The following ALDH1B1 variants were observed in gnomAD, a reference collection of about 807,000 sequenced individuals.
ALDH1B1 encodes the protein aldehyde dehydrogenase 1 family member B1.
ALDH1B1 carries 19 observed loss-of-function variants against 26.2 expected under a neutral mutation model. The observed-to-expected ratio is 0.72, with a 90% CI of 0.51 to 1.06. The LOEUF is 1.06. ALDH1B1 is among the 50% of genes least tolerant of loss of function. ALDH1B1 has a pLI of 0.00. For missense variants in ALDH1B1, 671 were observed against 683.1 expected, an observed-to-expected ratio of 0.98 and a Z score of 0.20; for synonymous variants, 249 against 286.0, an observed-to-expected ratio of 0.87 and a Z score of 1.31.
At chr9:38,392,866 T>A in intron 1 of ALDH1B1, 59 bp downstream of exon 1, 1 of 986,062 alleles carries the variant, frequency 1.0e-6, no homozygotes, top group Non-Finnish European at 1.2e-6. Context: ...TGGCTCCGCG[T>A]GGGGGCTTTC....
intron 1 of ALDH1B1, among the ~76,000 whole-genome samples, chr9:38,394,727 C>T (rs1477241682): frequency 6.6e-6 from 1 of 152,048 alleles, no homozygotes; most frequent in Admixed American, 6.5e-5. Context: ...TACCGCTGGG[C>T]GGAGCAAGAC....
rs1821284200 is a variant in ALDH1B1, at chr9:38,396,323, A to C, written c.575A>C (p.Gln192Pro). The stretch of plus-strand genomic sequence containing the variant: ...CCGTGGAACTTCCCCTTGGTCATGC[A>C]GGGTTGGAAACTTGCCCCGGCACTC... ...IIPWNFPLVM[Q>P]GWKLAPALAT... The change falls in exon 2 of 2, where the codon CAG becomes CCG. Residue 192 changes from glutamine (Q) to proline (P), a missense_variant. By Grantham distance (76) the Gln-to-Pro change is moderately conservative. Coordinates refer to ENST00000377698, the MANE Select transcript of ALDH1B1 (RefSeq NM_000692.5). The C allele has an allele frequency of 6.2e-7, 1 of 1,614,010 alleles. No homozygotes were observed. The highest frequency in any genetic ancestry group is 8.5e-7 in the Non-Finnish European group (1 of 1,180,022).
intron 1 of ALDH1B1, among the ~76,000 whole-genome samples, chr9:38,394,795 C>T (rs550701298): frequency 6.6e-6 from 1 of 152,194 alleles, no homozygotes; most frequent in Non-Finnish European, 1.5e-5. Context: ...ACTGCTTCAA[C>T]TAATCTGGGA....
intron 1 of ALDH1B1, 21 bp downstream of exon 1, chr9:38,392,828 C>A (rs985860079): frequency 1.1e-5 from 11 of 985,696 alleles, no homozygotes; most frequent in Non-Finnish European, 1.2e-5. Context: ...CTGGTCTCCC[C>A]TCGGCTCCCT....
Position 38,396,082 on chromosome 9 carries a change from G to C in ALDH1B1, c.334G>C (p.Val112Leu), listed in dbSNP as rs1196658160. The change falls in exon 2 of 2, where the codon GTG becomes CTG. Residue 112 changes from valine (V) to leucine (L), a missense_variant. Physicochemically the swap from Val to Leu is conservative, Grantham distance 32. Transcript: ENST00000377698. ...GCTGCTGAACCGCCTGGCAGACCTAGTGGAGCGGGATCGAGTCTACTTGGC... is the reference window on the plus strand; with the variant it reads ...GCTGCTGAACCGCCTGGCAGACCTACTGGAGCGGGATCGAGTCTACTTGGC... ...GRLLNRLADL[V>L]ERDRVYLASL... is the part of the protein sequence containing the mutation. The C allele has an allele frequency of 6.2e-7, 1 of 1,614,182 alleles. No homozygotes were observed. The highest frequency in any genetic ancestry group is 1.7e-5 in the Admixed American group (1 of 60,032).
rs1375574868 is a variant in ALDH1B1 at position 38,396,751 on chromosome 9, T to C, written c.1003T>C (p.Phe335Leu). The C allele has an allele frequency of 1.2e-6, 2 of 1,614,080 alleles. No homozygotes were observed. Among genetic ancestry groups the C allele is most frequent in the South Asian group, 2.2e-5 (2 of 91,076 alleles). ...TFVEESIYNE[F>L]LERTVEKAKQ... ...CGTGGAAGAATCCATCTACAATGAG[T>C]TTCTCGAGAGAACCGTGGAGAAAGC... is the stretch of plus-strand genomic sequence containing the variant. Residue 335 changes from phenylalanine to leucine, a missense_variant, in exon 2 of 2, where the codon TTT becomes CTT. Phe to Leu is a conservative substitution (Grantham distance 22). Coordinates refer to ENST00000377698, the MANE Select transcript of ALDH1B1 (RefSeq NM_000692.5).
At position 38,396,627 on chromosome 9, in the gene ALDH1B1, C is replaced by T. The variant is rs141592792; in HGVS notation, c.879C>T (p.Ile293=). 13 of 1,614,022 alleles carry T rather than the reference C, an allele frequency of 8.1e-6. No individual in the cohort carries two copies. Among genetic ancestry groups the T allele is most frequent in the South Asian group, 3.3e-5 (3 of 91,086 alleles). The change falls in exon 2 of 2, where the codon ATC becomes ATT. Residue 293 remains isoleucine (I), a synonymous_variant. Transcript: ENST00000377698. Reference sequence around the variant, plus strand: ...AGCTGGGTGGTAAGAGCCCCAGCATCGTGCTGGCCGATGCTGACATGGAGC... The same window carrying T: ...AGCTGGGTGGTAAGAGCCCCAGCATTGTGCTGGCCGATGCTGACATGGAGC... The part of the protein sequence containing the change: ...TLELGGKSPS[I]VLADADMEHA...
chr9:38,395,508 G>A (rs1298982689), intron 1 of ALDH1B1, among the ~76,000 whole-genome samples: 1 of 152,186 alleles, frequency 6.6e-6, no homozygotes, highest in East Asian at 1.9e-4. Context: ...GCCTTGCTGA[G>A]ACAGTGGCTT....
In ALDH1B1 at chr9:38,397,283, T is replaced by C. The variant is rs1178997279; in HGVS notation, c.1535T>C (p.Val512Ala). ...GAGGTAAAGACGGTCACCATCAAGGTTCCTCAGAAGAACTCGTAAGAGCAG... is the reference window on the plus strand; with the variant it reads ...GAGGTAAAGACGGTCACCATCAAGGCTCCTCAGAAGAACTCGTAAGAGCAG... ...YTEVKTVTIKVPQKNS is the reference protein window; with the variant it reads ...YTEVKTVTIKAPQKNS The change falls in exon 2 of 2, where the codon GTT becomes GCT. Residue 512 changes from valine (V) to alanine (A), a missense_variant. By Grantham distance (64) the Val-to-Ala change is moderately conservative. Transcript: ENST00000377698. 2 of 1,612,146 alleles carry C rather than the reference T, an allele frequency of 1.2e-6. No individual in the cohort carries two copies. Among genetic ancestry groups the C allele is most frequent in the Admixed American group, 1.7e-5 (1 of 59,892 alleles).
At chr9:38,393,600 T>A (rs1022587812) in intron 1 of ALDH1B1, among the ~76,000 whole-genome samples, 37 of 152,114 alleles carry the variant, frequency 2.4e-4, no homozygotes, top group African/African-American at 8.4e-4. Flanking sequence ...CATGGGTTGG[T>A]GACTCCCCTT....
chr9:38,398,314 CT>C lies in ALDH1B1; in HGVS notation c.*1030del, dbSNP rs544033194. The C allele has an allele frequency of 0.029, 3,861 of 135,038 alleles. 82 individuals are homozygous for C. Among genetic ancestry groups the C allele is most frequent in the African/African-American group, 0.092 (3,125 of 33,966 alleles). The allele number at this position is 135,038 out of a possible 1,614,324, so 8.4% of individuals were successfully genotyped here. A position where few individuals can be genotyped will look rare whatever the true frequency, so the allele number is the denominator to read the frequency against. On this transcript the variant is annotated 3_prime_UTR_variant, in exon 2 of 2. Transcript: ENST00000377698. Reference sequence around the variant, plus strand: ...TATGAATTAATTTCTTTCTTTTTTTCTTTTTTTTTTTTTTTTTTGACACGGA... The same window carrying C: ...TATGAATTAATTTCTTTCTTTTTTTCTTTTTTTTTTTTTTTTTGACACGGA...
chr9:38,396,536 C>T lies in ALDH1B1; in HGVS notation c.788C>T (p.Ser263Phe). The T allele has an allele frequency of 1.2e-6, 2 of 1,613,892 alleles. No individual in the cohort carries two copies. The highest frequency in any genetic ancestry group is 1.3e-5 in the African/African-American group (1 of 75,076). The change falls in exon 2 of 2, where the codon TCC becomes TTC. Residue 263 changes from serine (S) to phenylalanine (F), a missense_variant. Ser to Phe is a radical substitution (Grantham distance 155). Transcript: ENST00000377698. ...VDVDKVAFTG[S>F]TEVGHLIQKA... ...GTTGACAAAGTTGCCTTCACCGGTT[C>T]CACCGAGGTGGGCCACCTGATCCAG...
At chr9:38,395,634 C>T in intron 1 of ALDH1B1, 106 bp from the exon 2 acceptor site, 2 of 1,430,478 alleles carry the variant, frequency 1.4e-6, no homozygotes, top group Non-Finnish European at 1.9e-6. Context: ...TTAGAGGTGA[C>T]AGTCCTTTAT....
chr9:38,393,281 T>C (rs1039255251), intron 1 of ALDH1B1, among the ~76,000 whole-genome samples: 13 of 152,210 alleles, frequency 8.5e-5, no homozygotes, highest in Non-Finnish European at 1.9e-4. Flanking sequence ...TATACTTTCT[T>C]GCTGTGTGTC....
In ALDH1B1 at chr9:38,396,451, G is replaced by A. The variant is rs200179372; in HGVS notation, c.703G>A (p.Val235Met). The A allele has an allele frequency of 8.7e-6, 14 of 1,614,132 alleles. No homozygotes were observed. In the East Asian group the frequency reaches 2.7e-4, roughly 31 times the overall value. Residue 235 changes from valine (V) to methionine (M), a missense_variant, in exon 2 of 2, where the codon GTG becomes ATG. Coordinates refer to ENST00000377698, the MANE Select transcript of ALDH1B1 (RefSeq NM_000692.5). ...GGAGGCAGGCTTTCCCCCTGGGGTG[G>A]TGAACATCATCACGGGGTATGGCCC... The part of the protein sequence containing the change: ...IKEAGFPPGV[V>M]NIITGYGPTA...
rs997991674 is a variant in ALDH1B1, at chr9:38,395,954, C to T, written c.206C>T (p.Ala69Val). The T allele has an allele frequency of 6.2e-7, 1 of 1,613,794 alleles. No individual in the cohort carries two copies. The change falls in exon 2 of 2, where the codon GCT becomes GTT. Residue 69 changes from alanine (A) to valine (V), a missense_variant. Ala to Val is a moderately conservative substitution (Grantham distance 64). Coordinates refer to ENST00000377698, the MANE Select transcript of ALDH1B1 (RefSeq NM_000692.5). Reference sequence around the variant, plus strand: ...ACCGGGGAGGTCATTGGGCACGTGGCTGAAGGTGACCGGGCTGATGTGGAT... The same window carrying T: ...ACCGGGGAGGTCATTGGGCACGTGGTTGAAGGTGACCGGGCTGATGTGGAT... The part of the protein sequence containing the change: ...PTTGEVIGHV[A>V]EGDRADVDRA...
At position 38,396,808 on chromosome 9, in the gene ALDH1B1, C is replaced by A. The variant is rs751328202; in HGVS notation, c.1060C>A (p.Leu354Met). The stretch of plus-strand genomic sequence containing the variant: ...GAGGAAAGTGGGGAACCCCTTTGAG[C>A]TGGACACCCAGCAGGGGCCTCAGGT... ...KQRKVGNPFE[L>M]DTQQGPQVDK... is the part of the protein sequence containing the mutation. Residue 354 changes from leucine (L) to methionine (M), a missense_variant, in exon 2 of 2, where the codon CTG (leucine) becomes ATG (methionine). Leu to Met is a conservative substitution (Grantham distance 15). Coordinates refer to ENST00000377698, the MANE Select transcript of ALDH1B1 (RefSeq NM_000692.5). 5 of 1,614,218 alleles carry A rather than the reference C, an allele frequency of 3.1e-6. No individual in the cohort carries two copies. Among genetic ancestry groups the A allele is most frequent in the East Asian group, 4.5e-5 (2 of 44,876 alleles).
rs1821305010 is a variant in ALDH1B1 at position 38,396,911 on chromosome 9, G to T, written c.1163G>T (p.Gly388Val). The T allele has an allele frequency of 1.2e-6, 2 of 1,614,110 alleles. No homozygotes were observed. Among genetic ancestry groups the T allele is most frequent in the South Asian group, 2.2e-5 (2 of 91,078 alleles). Residue 388 changes from glycine (G) to valine (V), a missense_variant, in exon 2 of 2, where the codon GGA becomes GTA. Gly to Val is a moderately radical substitution (Grantham distance 109). Coordinates refer to ENST00000377698, the MANE Select transcript of ALDH1B1 (RefSeq NM_000692.5). Reference protein sequence around the residue: ...QKEGAKLLCGGERFGERGFFI... With the variant: ...QKEGAKLLCGVERFGERGFFI... ...GAGGGCGCAAAACTCCTCTGTGGCG[G>T]AGAGCGTTTCGGGGAGCGTGGTTTC...
Position 38,397,293 on chromosome 9 carries a change from G to A in ALDH1B1, c.1545G>A (p.Lys515=), listed in dbSNP as rs754296858. The change falls in exon 2 of 2, where the codon AAG becomes AAA. Residue 515 remains lysine (K), a synonymous_variant. Coordinates refer to ENST00000377698, the MANE Select transcript of ALDH1B1 (RefSeq NM_000692.5). ...VKTVTIKVPQ[K]NS ...CGGTCACCATCAAGGTTCCTCAGAA[G>A]AACTCGTAAGAGCAGCTGTCAGGGA... 1 of 1,609,798 alleles carries A rather than the reference G, an allele frequency of 6.2e-7. No homozygotes were observed.
Sources: allele counts gnomAD v4.1 joint callset (sites outside exome capture counted in the v4.1 genomes callset), GRCh38; gene constraint gnomAD v4.1.1; transcripts MANE v1.5; gene names NCBI Gene and HGNC (gene_info 2026-07-23, HGNC 2026-07-21).